The following LNPEP variants were observed in gnomAD, a reference collection of about 807,000 sequenced individuals.
LNPEP encodes the protein leucyl-cystinyl aminopeptidase.
LNPEP carries 64 observed loss-of-function variants against 120.6 expected under a neutral mutation model. That is an observed-to-expected ratio of 0.53 (90% confidence interval 0.43 to 0.65). LNPEP has a LOEUF of 0.65. Ranked by LOEUF, LNPEP falls within the 30% of genes least tolerant of loss-of-function variation. LNPEP has a pLI of 0.00. For missense variants in LNPEP, 1,057 were observed against 1,200.0 expected (o/e 0.88, Z 1.76); for synonymous variants, 435 against 425.4 (o/e 1.02, Z -0.28).
intron 11 of LNPEP, among the ~76,000 whole-genome samples, chr5:97,009,601 A>C (rs1790876600): frequency 6.6e-6 from 1 of 152,198 alleles, no homozygotes; most frequent in Non-Finnish European, 1.5e-5. Flanking sequence ...AATATAATTG[A>C]TTTAATCTAG....
chr5:97,024,889 A>G (rs909002384), intron 15 of LNPEP, among the ~76,000 whole-genome samples: 1 of 152,200 alleles, frequency 6.6e-6, no homozygotes, highest in African/African-American at 2.4e-5. Context: ...AAGGGATTAC[A>G]AGATGTCAGG....
At chr5:96,973,660 A>G (rs1372039735) in intron 1 of LNPEP, among the ~76,000 whole-genome samples, 2 of 152,178 alleles carry the variant, frequency 1.3e-5, no homozygotes, top group African/African-American at 4.8e-5. Flanking sequence ...ATATTACAGC[A>G]TTCTGTAGAA....
At chr5:96,997,858 C>T (rs529426085) in intron 7 of LNPEP, among the ~76,000 whole-genome samples, 156 bp from the exon 8 acceptor site, 1 of 152,106 alleles carries the variant, frequency 6.6e-6, no homozygotes, top group East Asian at 1.9e-4. Context: ...TACAATCTTC[C>T]TACATTTTTG....
intron 4 of LNPEP, among the ~76,000 whole-genome samples, chr5:96,988,094 C>T (rs1301275833): frequency 2.0e-5 from 3 of 151,556 alleles, no homozygotes; most frequent in African/African-American, 4.8e-5. Flanking sequence ...TTTATGTATC[C>T]CAAAATGTAT....
chr5:96,938,387 C>G (rs1049469068), intron 1 of LNPEP, among the ~76,000 whole-genome samples: 14 of 152,136 alleles, frequency 9.2e-5, no homozygotes. Context: ...TCATGTATCC[C>G]TATATATGTA....
intron 1 of LNPEP, chr5:96,943,158 T>C (rs1170740316): frequency 1.9e-6 from 1 of 518,718 alleles, no homozygotes; most frequent in South Asian, 5.2e-5. Flanking sequence ...GAGCCAGGAG[T>C]TGAGGTTGAA....
intron 2 of LNPEP, among the ~76,000 whole-genome samples, chr5:96,984,727 C>T (rs551111525): frequency 4.6e-5 from 7 of 152,176 alleles, no homozygotes; most frequent in Non-Finnish European, 8.8e-5. Flanking sequence ...TCTGGCTTGC[C>T]ACACTTGTGT....
At chr5:96,988,146 T>TTA (rs1406608162) in intron 4 of LNPEP, among the ~76,000 whole-genome samples, 3 of 151,708 alleles carry the variant, frequency 2.0e-5, no homozygotes, top group Admixed American at 2.0e-4. Context: ...TCCTTCCTCT[T>TTA]CACTCTCTCT....
intron 15 of LNPEP, among the ~76,000 whole-genome samples, chr5:97,026,142 T>G (rs1201347534): frequency 6.6e-6 from 1 of 152,214 alleles, no homozygotes; most frequent in Non-Finnish European, 1.5e-5. Context: ...TGTCAAGGAC[T>G]TAGAACATTA....
At chr5:96,955,183 A>G (rs920279802) in intron 1 of LNPEP, among the ~76,000 whole-genome samples, 4 of 152,112 alleles carry the variant, frequency 2.6e-5, no homozygotes, top group African/African-American at 9.7e-5. Context: ...TTCTGATATT[A>G]TAGGTAAGTT....
In LNPEP at chr5:97,022,291, T is replaced by C. The variant is rs950201360; in HGVS notation, c.2377-9T>C. On this transcript the variant is annotated splice_polypyrimidine_tract_variant and intron_variant, in intron 13 of 17. Coordinates refer to ENST00000231368, the MANE Select transcript of LNPEP (RefSeq NM_005575.3). The stretch of plus-strand genomic sequence containing the variant: ...TATGAAGCCATTATAATCTATTTTG[T>C]CTCTCTAGACTAGGGTATTTAAATT... 6.7e-7 allele frequency: 1 copy of C among 1,503,434 alleles called. No homozygotes were observed. Among genetic ancestry groups the C allele is most frequent in the South Asian group, 1.2e-5 (1 of 83,322 alleles). The allele number at this position is 1,503,434 out of a possible 1,614,324, so 93.1% of individuals were successfully genotyped here.
intron 5 of LNPEP, 142 bp from the exon 6 acceptor site, chr5:96,993,675 G>T: frequency 1.2e-6 from 1 of 801,512 alleles, no homozygotes. Flanking sequence ...AGCATACAGA[G>T]CTAGAATAAG....
In LNPEP at chr5:97,034,483, T is replaced by C. The variant is rs1394916036; in HGVS notation, c.*5950T>C. 1 of 151,804 alleles carries C rather than the reference T, an allele frequency of 6.6e-6. No individual in the cohort carries two copies. The highest frequency in any genetic ancestry group is 1.5e-5 in the Non-Finnish European group (1 of 67,944). 9.4% of individuals were successfully genotyped at this position (151,804 alleles called of 1,614,324 possible). On this transcript the variant is annotated 3_prime_UTR_variant, in exon 18 of 18. Transcript: ENST00000231368. ...TTTTTTAATGTATATAAAAGTTTGC[T>C]AGTTGTTGTTATTGTTGTTCTTTCA... is the stretch of plus-strand genomic sequence containing the variant.
chr5:96,953,466 G>A (rs1367920966), intron 1 of LNPEP, among the ~76,000 whole-genome samples: 3 of 152,100 alleles, frequency 2.0e-5, no homozygotes, highest in Non-Finnish European at 2.9e-5. Context: ...ATTAATAATT[G>A]CTACCTCTAC....
intron 4 of LNPEP, among the ~76,000 whole-genome samples, chr5:96,991,440 C>G (rs1790386569): frequency 6.6e-6 from 1 of 152,098 alleles, no homozygotes; most frequent in African/African-American, 2.4e-5. Context: ...AAAGGTGTTC[C>G]TTTTTCACCA....
At chr5:97,010,524 C>A in intron 11 of LNPEP, 1 of 984,322 alleles carries the variant, frequency 1.0e-6, no homozygotes, top group Non-Finnish European at 1.2e-6. Context: ...ATGATGCTAG[C>A]CCTCTGGAGC....
At chr5:96,993,703 T>G in intron 5 of LNPEP, 114 bp from the exon 6 acceptor site, 1 of 967,274 alleles carries the variant, frequency 1.0e-6, no homozygotes, top group Non-Finnish European at 1.6e-6. Flanking sequence ...CCATTTATTG[T>G]GAGTATAAAA....
At chr5:96,986,499 T>G in intron 3 of LNPEP, 40 bp from the exon 4 acceptor site, 2 of 1,584,436 alleles carry the variant, frequency 1.3e-6, no homozygotes, top group Non-Finnish European at 1.7e-6. Context: ...TGCCATTTAT[T>G]CCTATAGTTA....
At chr5:97,008,856 G>T (rs1019526642) in intron 11 of LNPEP, among the ~76,000 whole-genome samples, 3 of 151,724 alleles carry the variant, frequency 2.0e-5, no homozygotes, top group Non-Finnish European at 4.4e-5. Flanking sequence ...AGTAGAGACG[G>T]GGTTTCACCA....
Sources: allele counts gnomAD v4.1 joint callset (sites outside exome capture counted in the v4.1 genomes callset), GRCh38; gene constraint gnomAD v4.1.1; transcripts MANE v1.5; gene names NCBI Gene and HGNC (gene_info 2026-07-23, HGNC 2026-07-21).